The following SOHLH1 variants were observed in gnomAD, a reference collection of about 807,000 sequenced individuals.
SOHLH1 encodes spermatogenesis and oogenesis specific basic helix-loop-helix 1, also known as spermatogenesis- and oogenesis-specific basic helix-loop-helix-containing protein 1.
Under a neutral mutation model 36.2 loss-of-function variants are expected in SOHLH1, and 23 were observed. The observed-to-expected ratio is 0.64, with a 90% CI of 0.46 to 0.90. SOHLH1 has a LOEUF of 0.90. SOHLH1 is among the 40% of genes least tolerant of loss of function. The pLI is 0.00. For missense variants in SOHLH1, 608 were observed against 517.0 expected (o/e 1.18, Z -1.71); for synonymous variants, 289 against 228.3 (o/e 1.27, Z -2.40).
chr9:135,699,151 G>T, intron 1 of SOHLH1, 25 bp from the exon 2 acceptor site: 1 of 1,575,904 alleles, frequency 6.3e-7, no homozygotes, highest in East Asian at 2.4e-5. Context: ...AAGAGCACCG[G>T]GCCCTGAGAA....
rs759367049 is a variant in SOHLH1, at chr9:135,697,616, G to T, written c.357C>A (p.Ser119=). Residue 119 remains serine (S), a synonymous_variant, in exon 4 of 8, where the codon TCC becomes TCA. Coordinates refer to ENST00000425225, the MANE Select transcript of SOHLH1 (RefSeq NM_001101677.2). The part of the protein sequence containing the change: ...PSQEQHAILA[S]SKEMWHSLQE... ...GCAACGAGTGCCACATTTCCTTGGAGGAAGCAAGAATCTGAAATTTAAGTA... is the reference window on the plus strand; with the variant it reads ...GCAACGAGTGCCACATTTCCTTGGATGAAGCAAGAATCTGAAATTTAAGTA... 6.2e-7 allele frequency: 1 copy of T among 1,611,696 alleles called. No homozygotes were observed.
rs1361614000 is a variant in SOHLH1, at chr9:135,695,088, C to G, written c.837G>C (p.Glu279Asp). 6.3e-7 allele frequency: 1 copy of G among 1,598,422 alleles called. No individual in the cohort carries two copies. Among genetic ancestry groups the G allele is most frequent in the East Asian group, 2.3e-5 (1 of 44,166 alleles). Residue 279 changes from glutamate (E) to aspartate (D), a missense_variant, in exon 6 of 8, where the codon GAG becomes GAC. Glu to Asp is a conservative substitution (Grantham distance 45). Transcript: ENST00000425225. ...CCAGCATGGGGTCCTCCTTGGCTGG[C>G]TCCCCCAGAGGTGCAGCCCCCATGG... ...PLAMGAAPLG[E>D]PAKEDPMLAQ...
At chr9:135,696,489 C>CA in intron 5 of SOHLH1, 123 bp downstream of exon 5, 1 of 1,162,978 alleles carries the variant, frequency 8.6e-7, no homozygotes, top group East Asian at 2.6e-5. Context: ...TTCTCACCAA[C>CA]ACAAGGGCCT....
upstream of SOHLH1, among the ~76,000 whole-genome samples, chr9:135,700,825 C>T (rs920767802): frequency 3.9e-5 from 6 of 152,094 alleles, no homozygotes; most frequent in Non-Finnish European, 8.8e-5. Flanking sequence ...GCCCCTCTCC[C>T]GGCCCTGCCC....
chr9:135,694,920 C>G, intron 6 of SOHLH1, 130 bp downstream of exon 6: 2 of 1,080,064 alleles, frequency 1.9e-6, no homozygotes, highest in Non-Finnish European at 2.7e-6. Context: ...CCCACGGGCA[C>G]AGAAGCAGAG....
intron 3 of SOHLH1, 110 bp from the exon 4 acceptor site, chr9:135,697,737 G>T: frequency 7.4e-7 from 1 of 1,351,044 alleles, no homozygotes; most frequent in Non-Finnish European, 1.0e-6. Flanking sequence ...TGTGAGCTCG[G>T]TCCCCGCTTG....
intron 5 of SOHLH1, among the ~76,000 whole-genome samples, chr9:135,695,776 G>A (rs1834767579): frequency 6.6e-6 from 1 of 152,144 alleles, no homozygotes; most frequent in South Asian, 2.1e-4. Context: ...GGGCCGAGGG[G>A]AGTTCGGTCA....
Position 135,699,143 on chromosome 9 carries a change from G to C in SOHLH1, c.66-17C>G, listed in dbSNP as rs1269311257. ...AGGGAGCCGCTGCCGAGAAAGCCAA[G>C]AGCACCGGGCCCTGAGAACCCCAGA... On this transcript the variant is annotated splice_polypyrimidine_tract_variant and intron_variant, in intron 1 of 7. Coordinates refer to ENST00000425225, the MANE Select transcript of SOHLH1 (RefSeq NM_001101677.2). 2 of 1,584,592 alleles carry C rather than the reference G, an allele frequency of 1.3e-6. No homozygotes were observed. The highest frequency in any genetic ancestry group is 2.2e-4 in the Middle Eastern group (1 of 4,618).
At chr9:135,698,097 G>T (rs1834880710) in intron 3 of SOHLH1, among the ~76,000 whole-genome samples, 1 of 152,118 alleles carries the variant, frequency 6.6e-6, no homozygotes, top group South Asian at 2.1e-4. Context: ...CAGGACTCAG[G>T]GGCACAGGAG....
At chr9:135,699,191 T>G (rs1834936517) in intron 1 of SOHLH1, 65 bp from the exon 2 acceptor site, 1 of 1,548,724 alleles carries the variant, frequency 6.5e-7, no homozygotes, top group Non-Finnish European at 8.7e-7. Context: ...GAGTCCCAGA[T>G]GCCAGAATGG....
chr9:135,696,568 G>A (rs374776874), intron 5 of SOHLH1, 44 bp downstream of exon 5: 55 of 1,603,026 alleles, frequency 3.4e-5, no homozygotes, highest in African/African-American at 2.3e-4. Context: ...GCCTGGCGCC[G>A]CTCCCCAGGC....
intron 3 of SOHLH1, among the ~76,000 whole-genome samples, chr9:135,697,965 G>A (rs748959): frequency 0.49 from 57,809 of 119,128 alleles, 11,840 homozygotes; most frequent in Middle Eastern, 0.69. Flanking sequence ...GGAGAGGGGA[G>A]AGGAGCCTCT....
At chr9:135,701,332 C>T (rs893567425), upstream of SOHLH1, among the ~76,000 whole-genome samples, 2 of 152,200 alleles carry the variant, frequency 1.3e-5, no homozygotes, top group African/African-American at 4.8e-5. Context: ...AAGTACATGG[C>T]ATGCGCCCTC....
chr9:135,696,927 C>T, intron 4 of SOHLH1, 122 bp from the exon 5 acceptor site: 3 of 1,138,226 alleles, frequency 2.6e-6, no homozygotes, highest in Non-Finnish European at 3.8e-6. Flanking sequence ...CACCACCCAG[C>T]ATCAAGCCAG....
At chr9:135,700,183 C>T (rs1356188547), upstream of SOHLH1, among the ~76,000 whole-genome samples, 2 of 152,046 alleles carry the variant, frequency 1.3e-5, 1 homozygote, top group East Asian at 3.9e-4. Flanking sequence ...CGCTTTATGC[C>T]CTGGGGCCCC....
Position 135,693,722 on chromosome 9 carries a change from G to T in SOHLH1, c.1039C>A (p.Pro347Thr), listed in dbSNP as rs868529486. 1.9e-6 allele frequency: 3 copies of T among 1,573,456 alleles called. No individual in the cohort carries two copies. The African/African-American group carries it at 4.1e-5, about 21-fold the overall frequency. The change falls in exon 8 of 8, where the codon CCT becomes ACT. Residue 347 changes from proline to threonine, a missense_variant. Physicochemically the swap from Pro to Thr is conservative, Grantham distance 38. Coordinates refer to ENST00000425225, the MANE Select transcript of SOHLH1 (RefSeq NM_001101677.2). ...DVGEPGFLGDPELGSQELQDS... is the reference protein window; with the variant it reads ...DVGEPGFLGDTELGSQELQDS... ...TGGAGCTCCTGGGAGCCAAGCTCAGGGTCCCCTAGGAAGCCTGGCTCTCCA... is the reference window on the plus strand; with the variant it reads ...TGGAGCTCCTGGGAGCCAAGCTCAGTGTCCCCTAGGAAGCCTGGCTCTCCA...
Position 135,696,752 on chromosome 9 carries a change from G to A in SOHLH1, c.521C>T (p.Ser174Leu), listed in dbSNP as rs114620737. 1,076 of 1,613,116 alleles carry A rather than the reference G, an allele frequency of 6.7e-4. 6 individuals carry two copies. The African/African-American group carries it at 0.013, about 20-fold the overall frequency. The change falls in exon 5 of 8, where the codon TCG becomes TTG. Residue 174 changes from serine to leucine, a missense_variant. By Grantham distance (145) the Ser-to-Leu change is moderately radical (BLOSUM62 -2). Transcript: ENST00000425225. ...GTGCGGCACGGGCTCTGGGCTGGCCGACGCTGGATCCAGGGACCAAGGACT... is the reference window on the plus strand; with the variant it reads ...GTGCGGCACGGGCTCTGGGCTGGCCAACGCTGGATCCAGGGACCAAGGACT... The part of the protein sequence containing the change: ...LESPWSLDPA[S>L]ASPEPVPHIL...
chr9:135,701,660 C>T (rs1835038477), upstream of SOHLH1, among the ~76,000 whole-genome samples: 1 of 152,228 alleles, frequency 6.6e-6, no homozygotes, highest in Admixed American at 6.5e-5. Context: ...TCCCCCTCCC[C>T]CAGGCCAAGC....
chr9:135,698,317 C>G lies in SOHLH1; in HGVS notation c.345+12G>C. The G allele has an allele frequency of 1.2e-6, 2 of 1,612,972 alleles. No homozygotes were observed. The highest frequency in any genetic ancestry group is 1.1e-5 in the South Asian group (1 of 91,074). ...TGCCGGAGGACTGACGGCGTCTACC[C>G]TTACAACTCACAGCGTGCTGCTCCT... On this transcript the variant is annotated intron_variant, in intron 3 of 7. Transcript: ENST00000425225.
Sources: gnomAD v4.1 joint callset for allele counts (sites outside exome capture counted in the v4.1 genomes callset) on GRCh38, gnomAD v4.1.1 for gene constraint, MANE v1.5 for transcripts, NCBI Gene and HGNC (gene_info 2026-07-23, HGNC 2026-07-21) for gene names.